The following UBR3 variants were observed in gnomAD, a reference collection of about 807,000 sequenced individuals.
The protein encoded by UBR3 is ubiquitin protein ligase E3 component n-recognin 3, also known as E3 ubiquitin-protein ligase UBR3.
A neutral mutation model predicts 243.2 loss-of-function variants in UBR3; 85 were observed. That is an observed-to-expected ratio of 0.35 (90% CI 0.29 to 0.42). The LOEUF (loss-of-function observed/expected upper bound fraction) is 0.42. Among genes scored for constraint, UBR3 ranks in the 10% least tolerant of loss-of-function variants. The pLI is 1.00. For missense variants in UBR3, 1,686 were observed against 2,300.8 expected, an observed-to-expected ratio of 0.73 and a Z score of 5.47; for synonymous variants, 748 against 799.8, an observed-to-expected ratio of 0.94 and a Z score of 1.09.
chr2:169,883,572 A>G (rs1277823490), intron 5 of UBR3, among the ~76,000 whole-genome samples: 1 of 152,252 alleles, frequency 6.6e-6, no homozygotes, highest in Non-Finnish European at 1.5e-5. Flanking sequence ...CCAGGATATG[A>G]CATTAGTCAT....
chr2:170,078,307 G>A, intron 36 of UBR3: 1 of 289,980 alleles, frequency 3.4e-6, no homozygotes. Flanking sequence ...CACAGGCGCA[G>A]CCCCTGGGGT....
chr2:169,967,245 CT>C (rs1267031137), intron 24 of UBR3, among the ~76,000 whole-genome samples: 1 of 126,448 alleles, frequency 7.9e-6, no homozygotes. Flanking sequence ...CCCCACCCCC[CT>C]ACAGGGTATG....
chr2:169,887,573 T>G (rs1343292670), intron 5 of UBR3, among the ~76,000 whole-genome samples: 1 of 152,230 alleles, frequency 6.6e-6, no homozygotes, highest in Non-Finnish European at 1.5e-5. Flanking sequence ...TAGTAATCTG[T>G]TATTGTTGGA....
intron 32 of UBR3, among the ~76,000 whole-genome samples, chr2:170,043,672 G>A (rs2091020065): frequency 1.3e-5 from 2 of 152,128 alleles, no homozygotes; most frequent in Admixed American, 1.3e-4. Flanking sequence ...CTGTGTACCA[G>A]GTTGCTATGC....
intron 36 of UBR3, among the ~76,000 whole-genome samples, chr2:170,074,553 G>C (rs897248037): frequency 6.6e-6 from 1 of 152,068 alleles, no homozygotes; most frequent in South Asian, 2.1e-4. Flanking sequence ...AATCACAAAA[G>C]AATGTTTCAT....
chr2:169,856,819 G>C (rs1180973264), intron 1 of UBR3, among the ~76,000 whole-genome samples: 3 of 148,856 alleles, frequency 2.0e-5, no homozygotes, highest in Non-Finnish European at 3.0e-5. Context: ...GAGGGAGACC[G>C]TGCAAAGGGG....
Position 170,031,654 on chromosome 2 carries a change from T to C in UBR3, c.4556+2206T>C, listed in dbSNP as rs1320500269. ...CAGGTGTAGTGAGCATAGTACCCAATAGTTTTTCAACCCTTGCTCCCCTCC... is the reference window on the plus strand; with the variant it reads ...CAGGTGTAGTGAGCATAGTACCCAACAGTTTTTCAACCCTTGCTCCCCTCC... On this transcript the variant is annotated intron_variant, in intron 31 of 38. Coordinates refer to ENST00000272793, the MANE Select transcript of UBR3 (RefSeq NM_172070.4). 4.6e-5 allele frequency among the ~76,000 whole-genome samples: 7 copies of C among 152,088 alleles called. No homozygotes were observed. The South Asian group carries it at 1.0e-3, about 23-fold the overall frequency.
At chr2:169,881,848 TATAC>T (rs1272578129) in intron 5 of UBR3, among the ~76,000 whole-genome samples, 2 of 137,834 alleles carry the variant, frequency 1.5e-5, no homozygotes, top group African/African-American at 5.3e-5. Flanking sequence ...CATGTATACA[TATAC>T]GTATATGTGT....
At chr2:169,884,244 C>T (rs2084005162) in intron 5 of UBR3, among the ~76,000 whole-genome samples, 4 of 151,662 alleles carry the variant, frequency 2.6e-5, no homozygotes, top group Admixed American at 2.6e-4. Flanking sequence ...CAAGTTCTGC[C>T]TCCCAGGTTC....
intron 24 of UBR3, among the ~76,000 whole-genome samples, chr2:169,980,226 A>T (rs908992122): frequency 1.3e-5 from 2 of 152,234 alleles, no homozygotes; most frequent in Admixed American, 6.5e-5. Flanking sequence ...GAAGTTACAG[A>T]TAAGGGGAGA....
intron 26 of UBR3, among the ~76,000 whole-genome samples, chr2:169,999,678 A>G (rs2089621367): frequency 6.6e-6 from 1 of 152,192 alleles, no homozygotes; most frequent in South Asian, 2.1e-4. Context: ...CCCAAATGCT[A>G]TTTGACAGAG....
At chr2:169,920,736 A>G (rs2085665135) in intron 11 of UBR3, among the ~76,000 whole-genome samples, 1 of 152,166 alleles carries the variant, frequency 6.6e-6, no homozygotes, top group South Asian at 2.1e-4. Context: ...CAAATTTTTT[A>G]AGAGAGAAAG....
intron 20 of UBR3, among the ~76,000 whole-genome samples, chr2:169,944,576 A>G (rs185396699): frequency 1.3e-5 from 2 of 152,286 alleles, no homozygotes; most frequent in East Asian, 3.9e-4. Context: ...CTCCATTGAC[A>G]TTGCGTTGGC....
At chr2:170,008,143 T>C (rs533986739) in intron 28 of UBR3, among the ~76,000 whole-genome samples, 1 of 152,192 alleles carries the variant, frequency 6.6e-6, no homozygotes, top group African/African-American at 2.4e-5. Context: ...CAGTAGGATT[T>C]GTTTGGTCTA....
chr2:170,065,593 C>T (rs769208758), intron 35 of UBR3, among the ~76,000 whole-genome samples: 28 of 152,160 alleles, frequency 1.8e-4, no homozygotes, highest in South Asian at 4.1e-4. Flanking sequence ...ATTTTTTAAT[C>T]GTCCAAGTAA....
chr2:169,973,433 A>G (rs2088270100), intron 24 of UBR3, among the ~76,000 whole-genome samples: 1 of 150,956 alleles, frequency 6.6e-6, no homozygotes, highest in African/African-American at 2.4e-5. Context: ...TTCATATGGA[A>G]CCAAAAAAGA....
At chr2:169,836,386 C>T (rs531060689) in intron 1 of UBR3, among the ~76,000 whole-genome samples, 23 of 151,760 alleles carry the variant, frequency 1.5e-4, no homozygotes, top group African/African-American at 4.8e-4. Context: ...CGCCTGGCCC[C>T]ACCAGGAATT....
chr2:169,889,933 A>G (rs1421069092), intron 5 of UBR3, among the ~76,000 whole-genome samples: 1 of 152,228 alleles, frequency 6.6e-6, no homozygotes, highest in Non-Finnish European at 1.5e-5. Flanking sequence ...CTAACCTGCT[A>G]CCAACACCAT....
intron 24 of UBR3, among the ~76,000 whole-genome samples, chr2:169,960,304 C>T (rs2087510238): frequency 1.4e-5 from 2 of 147,910 alleles, no homozygotes; most frequent in Non-Finnish European, 3.0e-5. Context: ...ATGTATGAAA[C>T]GTAAATGAAT....
Sources: allele counts gnomAD v4.1 joint callset (sites outside exome capture counted in the v4.1 genomes callset), GRCh38; gene constraint gnomAD v4.1.1; transcripts MANE v1.5; gene names NCBI Gene and HGNC (gene_info 2026-07-23, HGNC 2026-07-21).